Variants in CRACDL observed in about 807,000 individuals in gnomAD.
CRACDL encodes CRACD-like protein.
In CRACDL, 26 loss-of-function variants were observed where a neutral mutation model predicts 70.6. The ratio of observed to expected loss-of-function variants is 0.37; its 90% CI spans 0.27 to 0.51. The LOEUF (loss-of-function observed/expected upper bound fraction) is 0.51. Among genes scored for constraint, CRACDL ranks in the 20% least tolerant of loss-of-function variants. The pLI, the probability that CRACDL is intolerant of heterozygous loss-of-function variation, is 0.94. For synonymous variants in CRACDL, 618 were observed against 615.2 expected (o/e 1.00, Z -0.07); for missense variants, 1,283 against 1,376.9 (o/e 0.93, Z 1.08).
intron 1 of CRACDL, among the ~76,000 whole-genome samples, chr2:98,891,849 C>T (rs982897660): frequency 6.6e-6 from 1 of 152,118 alleles, no homozygotes; most frequent in East Asian, 1.9e-4. Context: ...AGGGTGTCTG[C>T]GTGACTGTAT....
At chr2:98,922,863 A>G (rs1265897691) in intron 1 of CRACDL, among the ~76,000 whole-genome samples, 1 of 152,194 alleles carries the variant, frequency 6.6e-6, no homozygotes. Context: ...AGGCTAGCCG[A>G]TGCTTAGGGT....
intron 2 of CRACDL, among the ~76,000 whole-genome samples, chr2:98,841,879 T>C (rs1194531303): frequency 6.6e-6 from 1 of 152,198 alleles, no homozygotes; most frequent in East Asian, 1.9e-4. Flanking sequence ...TTTAGGCTAT[T>C]ATTTCCCTGT....
intron 1 of CRACDL, among the ~76,000 whole-genome samples, chr2:98,868,225 T>C (rs1018643265): frequency 6.6e-6 from 1 of 152,216 alleles, no homozygotes; most frequent in African/African-American, 2.4e-5. Context: ...GCTTTGAGGA[T>C]GGACTGTCTG....
At chr2:98,879,821 C>G (rs1191754169) in intron 1 of CRACDL, among the ~76,000 whole-genome samples, 2 of 152,242 alleles carry the variant, frequency 1.3e-5, no homozygotes, top group Non-Finnish European at 2.9e-5. Flanking sequence ...GCTAGGACTA[C>G]AGGCGTGAGC....
intron 1 of CRACDL, among the ~76,000 whole-genome samples, chr2:98,924,251 G>A (rs1480607903): frequency 6.6e-6 from 1 of 152,152 alleles, no homozygotes; most frequent in Non-Finnish European, 1.5e-5. Flanking sequence ...GGCAGACCCT[G>A]GGCTGGAGCT....
chr2:98,794,609 T>C lies in CRACDL; in HGVS notation c.2812A>G (p.Thr938Ala), dbSNP rs1323586014. 1 of 1,613,594 alleles carries C rather than the reference T, an allele frequency of 6.2e-7. No individual in the cohort carries two copies. Among genetic ancestry groups the C allele is most frequent in the Non-Finnish European group, 8.5e-7 (1 of 1,179,620 alleles). Reference sequence around the variant, plus strand: ...AGTTCCATCCAGGATGGCTGATCTGTACTGGCATAACTGGCTCTCTTCAGC... The same window carrying C: ...AGTTCCATCCAGGATGGCTGATCTGCACTGGCATAACTGGCTCTCTTCAGC... ...HQLKRASYAS[T>A]DQPSWMELAR... Residue 938 changes from threonine to alanine, a missense_variant, in exon 10 of 10, where the codon ACA (threonine) becomes GCA (alanine). This residue lies in a region of CRACDL where 921 missense variants were observed against 881.9 expected (regional missense o/e 1.04). Transcript: ENST00000397899.
At chr2:98,802,138 G>A (rs1314963172) in intron 7 of CRACDL, among the ~76,000 whole-genome samples, 1 of 152,266 alleles carries the variant, frequency 6.6e-6, no homozygotes, top group African/African-American at 2.4e-5. Context: ...TGCAAGCCCT[G>A]TAAGGGCAGG....
chr2:98,900,747 C>A (rs1708257452), intron 1 of CRACDL, among the ~76,000 whole-genome samples: 1 of 152,242 alleles, frequency 6.6e-6, no homozygotes, highest in East Asian at 1.9e-4. Flanking sequence ...ACACTCAGCA[C>A]CCTCCTTCCA....
At chr2:98,798,443 CAAAAAAAAAAAAAAAAAAA>C (rs70940125) in intron 7 of CRACDL, among the ~76,000 whole-genome samples, 1 of 44,330 alleles carries the variant, frequency 2.3e-5, no homozygotes, top group East Asian at 1.0e-3. Flanking sequence ...GACTCCGTCT[CAAAAAAAAAAAAAAAAAAA>C]AAAAAAAAAA....
chr2:98,844,886 G>T (rs995266320), intron 2 of CRACDL, among the ~76,000 whole-genome samples: 3 of 152,194 alleles, frequency 2.0e-5, no homozygotes, highest in African/African-American at 7.2e-5. Flanking sequence ...TCAAGTTCAA[G>T]GGTTGAGGTT....
At chr2:98,807,256 A>G (rs1056532367) in intron 7 of CRACDL, among the ~76,000 whole-genome samples, 8 of 152,188 alleles carry the variant, frequency 5.3e-5, no homozygotes, top group African/African-American at 1.9e-4. Context: ...TCTCTTACTA[A>G]GAGGTATGAC....
At chr2:98,917,621 T>G (rs1459931569) in intron 1 of CRACDL, among the ~76,000 whole-genome samples, 2 of 152,264 alleles carry the variant, frequency 1.3e-5, no homozygotes, top group African/African-American at 4.8e-5. Context: ...CTGACATTTA[T>G]TTCTCCTTTT....
chr2:98,800,492 G>A (rs1575318596), intron 7 of CRACDL, among the ~76,000 whole-genome samples: 2 of 152,270 alleles, frequency 1.3e-5, no homozygotes, highest in East Asian at 3.9e-4. Context: ...GTAGAGGGAC[G>A]AGAGGCTGGG....
intron 1 of CRACDL, among the ~76,000 whole-genome samples, chr2:98,927,983 C>A (rs954775934): frequency 6.6e-6 from 1 of 151,946 alleles, no homozygotes; most frequent in African/African-American, 2.4e-5. Context: ...GAGTTCAAGA[C>A]CAGCCTGGCC....
chr2:98,833,068 G>A lies in CRACDL; in HGVS notation c.240-71C>T, dbSNP rs990631920. The A allele has an allele frequency of 5.0e-5, 72 of 1,431,942 alleles. No individual in the cohort carries two copies. In the African/African-American group the frequency reaches 9.1e-4, roughly 18 times the overall value. The allele number at this position is 1,431,942 out of a possible 1,614,324, so 88.7% of individuals were successfully genotyped here. On this transcript the variant is annotated intron_variant, in intron 3 of 9. Transcript: ENST00000397899. ...CTGACCCCTGGGGGGCTCAGAATGA[G>A]AAAGAGGGATGTGAGTGAACAGAAC...
chr2:98,823,208 C>T lies in CRACDL; in HGVS notation c.1065G>A (p.Pro355=). 2.1e-6 allele frequency: 3 copies of T among 1,428,308 alleles called. No homozygotes were observed. Among genetic ancestry groups the T allele is most frequent in the East Asian group, 2.9e-5 (1 of 34,440 alleles). The allele number at this position is 1,428,308 out of a possible 1,614,324, so 88.5% of individuals were successfully genotyped here. ...ESAPTLRVEP[P]SPPEGPPNPG... Reference sequence around the variant, plus strand: ...GATTCGGGGGGCCCTCCGGCGGGGACGGGGGCTCCACGCGGAGAGTGGGGG... The same window carrying T: ...GATTCGGGGGGCCCTCCGGCGGGGATGGGGGCTCCACGCGGAGAGTGGGGG... Residue 355 remains proline (P), a synonymous_variant, in exon 7 of 10, where the codon CCG becomes CCA. Coordinates refer to ENST00000397899, the MANE Select transcript of CRACDL (RefSeq NM_207362.3). This position sits in a 1 kb window ranked among gnomAD's most constrained non-coding sequence, Gnocchi z 4.0.
intron 1 of CRACDL, among the ~76,000 whole-genome samples, chr2:98,905,874 A>G (rs1708399020): frequency 6.6e-6 from 1 of 151,840 alleles, no homozygotes; most frequent in Non-Finnish European, 1.5e-5. Flanking sequence ...ACTTCGGCCA[A>G]CCAAAGTGCT....
chr2:98,875,229 G>C (rs1393310070), intron 1 of CRACDL, among the ~76,000 whole-genome samples: 1 of 152,176 alleles, frequency 6.6e-6, no homozygotes, highest in Non-Finnish European at 1.5e-5. Flanking sequence ...GAGTGTGGTC[G>C]GGCCCTTCAC....
intron 1 of CRACDL, among the ~76,000 whole-genome samples, chr2:98,899,938 G>A (rs1380925416): frequency 6.9e-6 from 1 of 144,980 alleles, no homozygotes; most frequent in African/African-American, 2.6e-5. Context: ...AGGCTCAGTA[G>A]GAGGGGAGGC....
Sources: gnomAD v4.1 joint callset for allele counts (sites outside exome capture counted in the v4.1 genomes callset) on GRCh38, gnomAD v4.1.1 for gene constraint, gnomAD v4.1.1 regional missense constraint, Gnocchi (gnomAD v3.1) non-coding constraint, MANE v1.5 for transcripts, NCBI Gene and HGNC (gene_info 2026-07-23, HGNC 2026-07-21) for gene names.